Variants in AGBL4 observed in about 807,000 individuals in gnomAD.
AGBL4 encodes cytosolic carboxypeptidase 6.
A neutral mutation model predicts 66.4 loss-of-function variants in AGBL4; 58 were observed. The ratio of observed to expected loss-of-function variants is 0.87; its 90% confidence interval spans 0.71 to 1.09. AGBL4 has a LOEUF of 1.09. AGBL4 is among the 50% of genes least tolerant of loss of function. The probability of loss-of-function intolerance (pLI) is 0.00; values close to 1 mark genes in which losing one functional copy is unlikely to be tolerated. For missense variants in AGBL4, 579 were observed against 631.0 expected, an observed-to-expected ratio of 0.92 and a Z score of 0.88; for synonymous variants, 234 against 222.9, an observed-to-expected ratio of 1.05 and a Z score of -0.44.
intron 4 of AGBL4, among the ~76,000 whole-genome samples, chr1:49,072,380 C>T (rs981925015): frequency 2.6e-5 from 4 of 152,068 alleles, no homozygotes; most frequent in East Asian, 1.9e-4. Context: ...TGGCTGGTAC[C>T]GGTTGTCCCT....
At chr1:49,145,428 C>G (rs1646199270) in intron 4 of AGBL4, among the ~76,000 whole-genome samples, 1 of 152,138 alleles carries the variant, frequency 6.6e-6, no homozygotes, top group African/African-American at 2.4e-5. Context: ...ATGCTATGTG[C>G]TTTAATAATT....
At chr1:49,404,787 A>G (rs1186244444) in intron 3 of AGBL4, among the ~76,000 whole-genome samples, 1 of 152,190 alleles carries the variant, frequency 6.6e-6, no homozygotes, top group African/African-American at 2.4e-5. Context: ...AACAAATCTA[A>G]TTAACAAGAA....
At chr1:49,083,619 C>T (rs1644846559) in intron 4 of AGBL4, among the ~76,000 whole-genome samples, 1 of 152,206 alleles carries the variant, frequency 6.6e-6, no homozygotes, top group Non-Finnish European at 1.5e-5. Flanking sequence ...GGTTCCCAGG[C>T]TTGTGATAGG....
At chr1:48,815,023 G>A (rs769678662) in intron 6 of AGBL4, among the ~76,000 whole-genome samples, 2 of 152,148 alleles carry the variant, frequency 1.3e-5, no homozygotes, top group Non-Finnish European at 2.9e-5. Flanking sequence ...CATCAACGGT[G>A]TATAAGAGTT....
chr1:49,103,556 G>A (rs531294952), intron 4 of AGBL4, among the ~76,000 whole-genome samples: 43 of 152,254 alleles, frequency 2.8e-4, no homozygotes, highest in Middle Eastern at 3.4e-3. Flanking sequence ...ATGACACGCT[G>A]GATTCGCCTT....
chr1:48,706,544 A>C (rs1646882699), intron 6 of AGBL4, among the ~76,000 whole-genome samples: 1 of 152,158 alleles, frequency 6.6e-6, no homozygotes, highest in Non-Finnish European at 1.5e-5. Flanking sequence ...AAAATAATGA[A>C]AATAAGAAAA....
chr1:48,719,361 C>A (rs1396024687), intron 6 of AGBL4, among the ~76,000 whole-genome samples: 1 of 150,138 alleles, frequency 6.7e-6, no homozygotes, highest in South Asian at 2.1e-4. Context: ...CCTGGCAGTG[C>A]CAGCACTTAA....
chr1:48,655,714 A>G (rs1299277806), intron 7 of AGBL4, among the ~76,000 whole-genome samples: 1 of 152,208 alleles, frequency 6.6e-6, no homozygotes, highest in African/African-American at 2.4e-5. Context: ...TAGTTTTAGA[A>G]GTAGGTGTCC....
chr1:49,081,344 T>C (rs1644805328), intron 4 of AGBL4, among the ~76,000 whole-genome samples: 1 of 152,214 alleles, frequency 6.6e-6, no homozygotes, highest in African/African-American at 2.4e-5. Flanking sequence ...TTCCTAGCTG[T>C]TTCATTTTGC....
intron 3 of AGBL4, among the ~76,000 whole-genome samples, chr1:49,512,583 G>T (rs1328095420): frequency 6.6e-6 from 1 of 151,586 alleles, no homozygotes; most frequent in Non-Finnish European, 1.5e-5. Context: ...TGACATACCT[G>T]CTCCCTCTTT....
chr1:49,412,872 G>C (rs573422467), intron 3 of AGBL4, among the ~76,000 whole-genome samples: 1 of 152,234 alleles, frequency 6.6e-6, no homozygotes, highest in African/African-American at 2.4e-5. Context: ...GTAGATGTAG[G>C]TATAAAAGGG....
At chr1:49,757,200 T>C (rs1407337029) in intron 2 of AGBL4, among the ~76,000 whole-genome samples, 1 of 152,208 alleles carries the variant, frequency 6.6e-6, no homozygotes, top group Non-Finnish European at 1.5e-5. Context: ...AGAATGTGTT[T>C]GCTTCCCCTT....
rs4926541 is a variant in AGBL4 at position 49,798,058 on chromosome 1, T to C, written c.157+53338A>G. 6.1e-3 allele frequency among the ~76,000 whole-genome samples: 935 copies of C among 152,226 alleles called. 24 individuals carry two copies. Among genetic ancestry groups the C allele is most frequent in the Admixed American group, 0.047 (718 of 15,268 alleles). ...AGCCACCTTGCCCGGCCAATTATCA[T>C]TTTTAAAAGTATGTACCTCTCTTCT... On this transcript the variant is annotated intron_variant, in intron 2 of 13. Transcript: ENST00000371839.
chr1:48,799,064 T>C (rs551786182), intron 6 of AGBL4, among the ~76,000 whole-genome samples: 3 of 152,272 alleles, frequency 2.0e-5, no homozygotes, highest in East Asian at 1.9e-4. Context: ...ATGATGATGG[T>C]ATTTTGATGG....
At chr1:48,619,562 A>T (rs1004811070) in intron 9 of AGBL4, among the ~76,000 whole-genome samples, 1 of 152,018 alleles carries the variant, frequency 6.6e-6, no homozygotes, top group Non-Finnish European at 1.5e-5. Flanking sequence ...CATTCACCCC[A>T]CCCATGCCAG....
At chr1:49,679,166 T>C (rs559959586) in intron 3 of AGBL4, among the ~76,000 whole-genome samples, 1 of 152,282 alleles carries the variant, frequency 6.6e-6, no homozygotes, top group Non-Finnish European at 1.5e-5. Context: ...TGAATTTATG[T>C]ATTTCCTCAA....
rs150241597 is a variant in AGBL4 at position 49,976,577 on chromosome 1, T to C, written c.34+47186A>G. On this transcript the variant is annotated intron_variant, in intron 1 of 13. Transcript: ENST00000371839. ...AACCCTGAGCCATTTTCTGATTAAG[T>C]ATAGAGAACACTTTCTCATGTAATA... Among the ~76,000 whole-genome samples, 191 of 152,292 alleles carry C rather than the reference T, an allele frequency of 1.3e-3. 2 individuals are homozygous for C. The Middle Eastern group carries it at 0.017, about 14-fold the overall frequency.
chr1:49,707,205 G>T (rs1447798814), intron 2 of AGBL4, among the ~76,000 whole-genome samples: 2 of 152,006 alleles, frequency 1.3e-5, no homozygotes, highest in African/African-American at 4.8e-5. Context: ...CTAAGAACTT[G>T]CTTTAAGAAT....
intron 6 of AGBL4, among the ~76,000 whole-genome samples, chr1:48,733,279 G>C (rs1648450407): frequency 6.6e-6 from 1 of 152,070 alleles, no homozygotes; most frequent in African/African-American, 2.4e-5. Flanking sequence ...AAGGAACAAG[G>C]TACTTAGGAA....
Sources: gnomAD v4.1 joint callset for allele counts (sites outside exome capture counted in the v4.1 genomes callset) on GRCh38, gnomAD v4.1.1 for gene constraint, MANE v1.5 for transcripts, NCBI Gene and HGNC (gene_info 2026-07-23, HGNC 2026-07-21) for gene names.